CSPP1: variants seen among roughly 807,000 people sequenced by gnomAD.
The protein encoded by CSPP1 is centrosome and spindle pole associated protein 1.
In CSPP1, 126 loss-of-function variants were observed where a neutral mutation model predicts 164.4. The ratio of observed to expected loss-of-function variants is 0.77; its 90% CI spans 0.66 to 0.89. The LOEUF is 0.89. Among genes scored for constraint, CSPP1 ranks in the 40% least tolerant of loss-of-function variants. The probability of loss-of-function intolerance (pLI) is 0.00; values close to 1 mark genes in which losing one functional copy is unlikely to be tolerated. For missense variants in CSPP1, 1,395 were observed against 1,449.8 expected, an observed-to-expected ratio of 0.96 and a Z score of 0.61; for synonymous variants, 472 against 476.7, an observed-to-expected ratio of 0.99 and a Z score of 0.13.
chr8:67,124,081 A>T (rs1819580323), intron 15 of CSPP1, among the ~76,000 whole-genome samples: 1 of 150,338 alleles, frequency 6.7e-6, no homozygotes, highest in South Asian at 2.1e-4. Flanking sequence ...TTGTATTTTT[A>T]GTAGAGACGG....
intron 17 of CSPP1, 115 bp downstream of exon 17, chr8:67,137,718 T>C: frequency 4.0e-6 from 2 of 498,092 alleles, no homozygotes; most frequent in Non-Finnish European, 6.9e-6. Flanking sequence ...CGCATGTATG[T>C]AACTTAATGC....
chr8:67,096,457 C>T (rs1037909292), intron 7 of CSPP1, among the ~76,000 whole-genome samples: 1 of 151,938 alleles, frequency 6.6e-6, no homozygotes, highest in African/African-American at 2.4e-5. Flanking sequence ...CCCAGCTACT[C>T]AGAAGGCTGG....
intron 15 of CSPP1, among the ~76,000 whole-genome samples, chr8:67,119,324 A>G (rs960012743): frequency 6.6e-6 from 1 of 152,156 alleles, no homozygotes; most frequent in African/African-American, 2.4e-5. Context: ...CATTTTGGCT[A>G]TTTGTGAATA....
chr8:67,100,506 A>G (rs916916150), intron 7 of CSPP1, among the ~76,000 whole-genome samples: 1 of 151,982 alleles, frequency 6.6e-6, no homozygotes, highest in African/African-American at 2.4e-5. Flanking sequence ...AAGCTTTTGT[A>G]TATTTAACTG....
chr8:67,086,195 T>A (rs761033308), intron 4 of CSPP1, 85 bp downstream of exon 4: 2 of 788,166 alleles, frequency 2.5e-6, no homozygotes, highest in African/African-American at 3.4e-5. Flanking sequence ...GTCATATGTG[T>A]TAATTTTTAG....
intron 19 of CSPP1, among the ~76,000 whole-genome samples, chr8:67,155,721 A>G (rs1586577234): frequency 6.6e-6 from 1 of 152,056 alleles, no homozygotes; most frequent in East Asian, 1.9e-4. Context: ...CCAGGAGGCA[A>G]AGGTTGCAGT....
chr8:67,109,136 G>A (rs1007619487), intron 9 of CSPP1, among the ~76,000 whole-genome samples: 2 of 152,202 alleles, frequency 1.3e-5, no homozygotes, highest in Non-Finnish European at 2.9e-5. Context: ...CAAGGTATCC[G>A]CCAGGCTGCC....
chr8:67,175,713 A>C, intron 26 of CSPP1: 4 of 533,644 alleles, frequency 7.5e-6, no homozygotes. Flanking sequence ...TGACGTCTGC[A>C]TCAGGAACTA....
chr8:67,074,715 C>A, intron 2 of CSPP1: 1 of 233,038 alleles, frequency 4.3e-6, no homozygotes, highest in Non-Finnish European at 8.6e-6. Flanking sequence ...TTTTTGAAAT[C>A]TGAAAAAGTG....
intron 9 of CSPP1, among the ~76,000 whole-genome samples, chr8:67,110,241 C>A (rs1816570597): frequency 6.6e-6 from 1 of 151,504 alleles, no homozygotes; most frequent in African/African-American, 2.4e-5. Context: ...CTTCTGCAGT[C>A]TGAATTTTTT....
chr8:67,118,712 A>G, intron 14 of CSPP1, 31 bp from the exon 15 acceptor site: 1 of 1,461,348 alleles, frequency 6.8e-7, no homozygotes, highest in Non-Finnish European at 9.4e-7. Context: ...TTCTAAATAA[A>G]CTTTTTTTGT....
intron 15 of CSPP1, among the ~76,000 whole-genome samples, chr8:67,128,868 G>A (rs1820646438): frequency 6.6e-6 from 1 of 152,122 alleles, no homozygotes; most frequent in African/African-American, 2.4e-5. Context: ...TTTGAATCCT[G>A]CTTTTACCAT....
At position 67,086,097 on chromosome 8, in the gene CSPP1, GT is replaced by G; in HGVS notation, c.292del (p.Tyr98IlefsTer34). Reference sequence around the variant, plus strand: ...GAAGAATTGCGGCAAGATTACAGACGTTATCTTACTCAGGTAATGAGTTCTA... The same window carrying G: ...GAAGAATTGCGGCAAGATTACAGACGTATCTTACTCAGGTAATGAGTTCTA... The part of the protein sequence containing the change: ...LKEELRQDYR[R>X]YLTQKNFLST... On this transcript the variant is annotated frameshift_variant, in exon 4 of 31. Coordinates refer to ENST00000678616, the MANE Select transcript of CSPP1 (RefSeq NM_001382391.1). LOFTEE classifies it high-confidence loss of function. 1 of 1,388,304 alleles carries G rather than the reference GT, an allele frequency of 7.2e-7. No individual in the cohort carries two copies. The highest frequency in any genetic ancestry group is 1.0e-6 in the Non-Finnish European group (1 of 974,338). 86.0% of individuals were successfully genotyped at this position (1,388,304 alleles called of 1,614,324 possible).
chr8:67,179,745 T>TAG, intron 27 of CSPP1, 118 bp from the exon 28 acceptor site: 4 of 681,018 alleles, frequency 5.9e-6, no homozygotes, highest in Non-Finnish European at 1.0e-5. Flanking sequence ...GTCCTACCTC[T>TAG]ACCCATCCTC....
intron 22 of CSPP1, among the ~76,000 whole-genome samples, 199 bp downstream of exon 22, chr8:67,162,114 C>T (rs1267576317): frequency 6.6e-6 from 1 of 152,132 alleles, no homozygotes; most frequent in African/African-American, 2.4e-5. Context: ...TTTGACAAAC[C>T]ATAATTTAGC....
chr8:67,196,199 T>C lies in CSPP1; in HGVS notation c.*606T>C, dbSNP rs1046498772. The C allele has an allele frequency of 1.3e-5, 2 of 152,236 alleles. No homozygotes were observed. The highest frequency in any genetic ancestry group is 4.8e-5 in the African/African-American group (2 of 41,474). 9.4% of individuals were successfully genotyped at this position (152,236 alleles called of 1,614,324 possible). On this transcript the variant is annotated 3_prime_UTR_variant, in exon 31 of 31. Transcript: ENST00000678616. ...TTTTATGCCAATGAAGGCATTTGTC[T>C]TGTTACTAATTACATGATGTAACTA... is the stretch of plus-strand genomic sequence containing the variant.
intron 1 of CSPP1, 40 bp downstream of exon 1, chr8:67,064,578 T>A: frequency 6.7e-7 from 1 of 1,495,696 alleles, no homozygotes; most frequent in Non-Finnish European, 8.9e-7. Context: ...TGGAGGGTCC[T>A]GGGGCTGCAT....
Position 67,196,549 on chromosome 8 carries a change from G to A in CSPP1, c.*956G>A, listed in dbSNP as rs1010187833. 9.2e-5 allele frequency among the ~76,000 whole-genome samples: 14 copies of A among 152,166 alleles called. No individual in the cohort carries two copies. The highest frequency in any genetic ancestry group is 1.5e-4 in the Non-Finnish European group (10 of 68,036). On this transcript the variant is annotated 3_prime_UTR_variant, in exon 31 of 31. Coordinates refer to ENST00000678616, the MANE Select transcript of CSPP1 (RefSeq NM_001382391.1). ...TTCTCTCTCTAATAATACTTCCTCT[G>A]ATGTAATTAACGGTTGGTAGACAAT...
At chr8:67,108,850 T>A (rs1480869321) in intron 9 of CSPP1, among the ~76,000 whole-genome samples, 1 of 152,210 alleles carries the variant, frequency 6.6e-6, no homozygotes, top group African/African-American at 2.4e-5. Context: ...CTTTGCTATA[T>A]AAGAGTGTGG....
Sources: allele counts gnomAD v4.1 joint callset (sites outside exome capture counted in the v4.1 genomes callset), GRCh38; gene constraint gnomAD v4.1.1; transcripts MANE v1.5; gene names NCBI Gene and HGNC (gene_info 2026-07-23, HGNC 2026-07-21).